KIF13A: variants seen among roughly 807,000 people sequenced by gnomAD.
KIF13A encodes the protein kinesin family member 13A.
A neutral mutation model predicts 212.2 loss-of-function variants in KIF13A; 79 were observed. The ratio of observed to expected loss-of-function variants is 0.37; its 90% confidence interval spans 0.31 to 0.45. The LOEUF (loss-of-function observed/expected upper bound fraction) is 0.45, where lower values mean the gene tolerates loss of function less well. Among genes scored for constraint, KIF13A ranks in the 20% least tolerant of loss-of-function variants. The pLI is 1.00. For missense variants in KIF13A, 1,901 were observed against 2,209.0 expected (o/e 0.86, Z 2.79); for synonymous variants, 789 against 808.6 (o/e 0.98, Z 0.41).
At chr6:17,791,758 G>A (rs1761577281) in intron 25 of KIF13A, among the ~76,000 whole-genome samples, 1 of 151,366 alleles carries the variant, frequency 6.6e-6, no homozygotes, top group African/African-American at 2.4e-5. Context: ...AAATTAGCTG[G>A]GTGTGGTGGT....
rs1772120119 is a variant in KIF13A, at chr6:17,892,149, C to T, written c.159+6019G>A. Reference sequence around the variant, plus strand: ...AACTTCCCACTGAACCAAACTAGCTCTTCCTTCTTTAGTTTATGTTGATTT... The same window carrying T: ...AACTTCCCACTGAACCAAACTAGCTTTTCCTTCTTTAGTTTATGTTGATTT... On this transcript the variant is annotated intron_variant, in intron 3 of 38. Coordinates refer to ENST00000259711, the MANE Select transcript of KIF13A (RefSeq NM_022113.6). The surrounding 1 kb of genome is among the most constrained non-coding windows in gnomAD (Gnocchi z 4.7). 6.6e-6 allele frequency among the ~76,000 whole-genome samples: 1 copy of T among 152,130 alleles called. No homozygotes were observed. The highest frequency in any genetic ancestry group is 6.5e-5 in the Admixed American group (1 of 15,270).
At chr6:17,964,827 T>C (rs1381528737) in intron 2 of KIF13A, among the ~76,000 whole-genome samples, 1 of 127,876 alleles carries the variant, frequency 7.8e-6, no homozygotes, top group Non-Finnish European at 1.7e-5. Context: ...GGTTTTCTTG[T>C]TGTTTTGTTT....
At position 17,829,325 on chromosome 6, in the gene KIF13A, C is replaced by T. The variant is rs1405963160; in HGVS notation, c.1402-955G>A. On this transcript the variant is annotated intron_variant, in intron 13 of 38. Transcript: ENST00000259711. This position sits in a 1 kb window ranked among gnomAD's most constrained non-coding sequence, Gnocchi z 5.4. ...ATGTCTCATAGACTCCGGAAAACTC[C>T]ACCAATACATGCGTGATAAAATGAG... is the stretch of plus-strand genomic sequence containing the variant. Among the ~76,000 whole-genome samples the T allele has an allele frequency of 6.6e-6, 1 of 152,194 alleles. No homozygotes were observed. Among genetic ancestry groups the T allele is most frequent in the African/African-American group, 2.4e-5 (1 of 41,446 alleles).
Position 17,771,206 on chromosome 6 carries a change from G to A in KIF13A, c.4489C>T (p.Pro1497Ser). Residue 1497 changes from proline (P) to serine (S), a missense_variant, in exon 38 of 39, where the codon CCT becomes TCT. Physicochemically the swap from Pro to Ser is moderately conservative, Grantham distance 74. Coordinates refer to ENST00000259711, the MANE Select transcript of KIF13A (RefSeq NM_022113.6). This position sits in a 1 kb window ranked among gnomAD's most constrained non-coding sequence, Gnocchi z 5.4. ...PLLSQESMPP[P>S]QAHNPGCIVP... is the part of the protein sequence containing the mutation. The stretch of plus-strand genomic sequence containing the variant: ...ATGCAGCCAGGGTTATGTGCCTGAG[G>A]TGGAGGCATGCTCTGCAAAGGTTAA... The A allele has an allele frequency of 6.2e-7, 1 of 1,611,606 alleles. No individual in the cohort carries two copies. The highest frequency in any genetic ancestry group is 1.1e-5 in the South Asian group (1 of 90,648).
chr6:17,760,938 G>T, downstream of KIF13A: 1 of 1,567,398 alleles, frequency 6.4e-7, no homozygotes, highest in South Asian at 1.1e-5. Context: ...CCCACCCACA[G>T]CACCTACTCT....
rs73373115 is a variant in KIF13A at position 17,895,883 on chromosome 6, G to A, written c.159+2285C>T. Among the ~76,000 whole-genome samples the A allele has an allele frequency of 0.011, 1,650 of 152,296 alleles. 22 individuals are homozygous for A. Among genetic ancestry groups the A allele is most frequent in the African/African-American group, 0.038 (1,566 of 41,564 alleles). On this transcript the variant is annotated intron_variant, in intron 3 of 38. Coordinates refer to ENST00000259711, the MANE Select transcript of KIF13A (RefSeq NM_022113.6). The surrounding 1 kb of genome is among the most constrained non-coding windows in gnomAD (Gnocchi z 4.4). ...TGGAAAAGGCAATGCTAATTACCTA[G>A]TTTGTCATTTCTGACAGCAGAAGTC...
chr6:17,903,779 G>A (rs1338933686), intron 2 of KIF13A, among the ~76,000 whole-genome samples: 1 of 152,158 alleles, frequency 6.6e-6, no homozygotes, highest in East Asian at 1.9e-4. Context: ...AAATATTCTA[G>A]GTGTCTTAGC....
chr6:17,906,027 A>G (rs1773464712), intron 2 of KIF13A, among the ~76,000 whole-genome samples: 1 of 152,246 alleles, frequency 6.6e-6, no homozygotes, highest in South Asian at 2.1e-4. Context: ...AAGGGGTTAC[A>G]TAAGCATCTG....
Position 17,789,746 on chromosome 6 carries a change from G to A in KIF13A, c.3261+126C>T. ...TGAATACATATAAAGCAAATCAAAA[G>A]CAAGTGAAAAACTGCATATTCTCGC... On this transcript the variant is annotated intron_variant, in intron 26 of 38. Transcript: ENST00000259711. The surrounding 1 kb of genome is among the most constrained non-coding windows in gnomAD (Gnocchi z 4.8). 1 of 671,336 alleles carries A rather than the reference G, an allele frequency of 1.5e-6. No homozygotes were observed. The highest frequency in any genetic ancestry group is 2.6e-6 in the Non-Finnish European group (1 of 389,280). 41.6% of individuals were successfully genotyped at this position (671,336 alleles called of 1,614,324 possible). A position where few individuals can be genotyped will look rare whatever the true frequency, so the allele number is the denominator to read the frequency against.
chr6:17,797,606 CACAA>C (rs1282525381), intron 22 of KIF13A, among the ~76,000 whole-genome samples: 1 of 152,048 alleles, frequency 6.6e-6, no homozygotes, highest in African/African-American at 2.4e-5. Context: ...CTTTCCAAAA[CACAA>C]ACAGACAGGG....
chr6:17,785,755 A>C lies in KIF13A; in HGVS notation c.3362-114T>G. The C allele has an allele frequency of 9.0e-7, 1 of 1,114,614 alleles. No homozygotes were observed. Among genetic ancestry groups the C allele is most frequent in the Non-Finnish European group, 1.3e-6 (1 of 774,754 alleles). The allele number at this position is 1,114,614 out of a possible 1,614,324, so 69.0% of individuals were successfully genotyped here. ...TAGTGAGACCCCATCTCTACCAAAA[A>C]AAAAAAAATAGTTGGGCAGGGTGGT... On this transcript the variant is annotated intron_variant, in intron 27 of 38. Coordinates refer to ENST00000259711, the MANE Select transcript of KIF13A (RefSeq NM_022113.6). The surrounding 1 kb of genome is among the most constrained non-coding windows in gnomAD (Gnocchi z 5.8).
intron 2 of KIF13A, among the ~76,000 whole-genome samples, chr6:17,943,474 C>T (rs1777122897): frequency 6.7e-6 from 1 of 150,092 alleles, no homozygotes; most frequent in African/African-American, 2.5e-5. Context: ...TCTCGAACTC[C>T]TGACCTCAGG....
chr6:17,832,510 C>A (rs558454035), intron 12 of KIF13A, among the ~76,000 whole-genome samples: 2 of 151,938 alleles, frequency 1.3e-5, no homozygotes, highest in Non-Finnish European at 2.9e-5. Flanking sequence ...TGGTGGCACA[C>A]ACCTATAGTC....
At position 17,843,895 on chromosome 6, in the gene KIF13A, A is replaced by ATTAACTGAG. The variant is rs1375694079; in HGVS notation, c.830+5473_830+5481dup. 1.3e-5 allele frequency among the ~76,000 whole-genome samples: 2 copies of ATTAACTGAG among 152,086 alleles called. No homozygotes were observed. Among genetic ancestry groups the ATTAACTGAG allele is most frequent in the Non-Finnish European group, 2.9e-5 (2 of 68,016 alleles). On this transcript the variant is annotated intron_variant, in intron 9 of 38. Transcript: ENST00000259711. The surrounding 1 kb of genome is among the most constrained non-coding windows in gnomAD (Gnocchi z 5.3). ...CCCTTCCACTACTAAAAATACAAAAATTAACTGAGCGTGGTGGCGCACGCC... is the reference window on the plus strand; with the variant it reads ...CCCTTCCACTACTAAAAATACAAAAATTAACTGAGTTAACTGAGCGTGGTGGCGCACGCC...
chr6:17,946,722 C>T (rs12216432), intron 2 of KIF13A, among the ~76,000 whole-genome samples: 16,875 of 152,182 alleles, frequency 0.11, 1,261 homozygotes, highest in African/African-American at 0.19. Context: ...TTAACATGCA[C>T]ATATGCTATG....
intron 6 of KIF13A, among the ~76,000 whole-genome samples, chr6:17,854,075 C>T (rs150975074): frequency 6.6e-6 from 1 of 152,112 alleles, no homozygotes; most frequent in Admixed American, 6.5e-5. Flanking sequence ...TAAATATAAA[C>T]ATTTTCTTTG....
At chr6:17,970,094 T>C (rs957410712) in intron 2 of KIF13A, among the ~76,000 whole-genome samples, 2 of 151,968 alleles carry the variant, frequency 1.3e-5, no homozygotes, top group African/African-American at 4.8e-5. Context: ...GGCTAATTTT[T>C]TGTATTTTTA....
chr6:17,893,320 A>G (rs1322456411), intron 3 of KIF13A, among the ~76,000 whole-genome samples: 1 of 152,176 alleles, frequency 6.6e-6, no homozygotes, highest in Non-Finnish European at 1.5e-5. Context: ...AAATAACCAA[A>G]TGTGGGTTTT....
At chr6:17,780,977 C>A in intron 30 of KIF13A, 71 bp from the exon 31 acceptor site, 1 of 1,444,976 alleles carries the variant, frequency 6.9e-7, no homozygotes, top group Non-Finnish European at 9.5e-7. Flanking sequence ...ACAGGACATA[C>A]AAGAGAAAGA....
Sources: gnomAD v4.1 joint callset for allele counts (sites outside exome capture counted in the v4.1 genomes callset) on GRCh38, gnomAD v4.1.1 for gene constraint, Gnocchi (gnomAD v3.1) non-coding constraint, MANE v1.5 for transcripts, NCBI Gene and HGNC (gene_info 2026-07-23, HGNC 2026-07-21) for gene names.